Variants in CAB39 observed in about 807,000 individuals in gnomAD.
CAB39 encodes calcium binding protein 39, also known as calcium-binding protein 39.
A neutral mutation model predicts 40.0 loss-of-function variants in CAB39; 8 were observed. That is an observed-to-expected ratio of 0.20 (90% CI 0.12 to 0.36). The LOEUF is 0.36. Among genes scored for constraint, CAB39 ranks in the 10% least tolerant of loss-of-function variants. The pLI is 1.00. For missense variants in CAB39, 270 were observed against 401.1 expected, an observed-to-expected ratio of 0.67 and a Z score of 2.79; for synonymous variants, 156 against 141.6, an observed-to-expected ratio of 1.10 and a Z score of -0.72.
chr2:230,739,789 C>T (rs1233445682), intron 1 of CAB39, among the ~76,000 whole-genome samples: 2 of 152,350 alleles, frequency 1.3e-5, no homozygotes, highest in Non-Finnish European at 2.9e-5. Flanking sequence ...CCACCACCTC[C>T]AGCCTCTAAT....
chr2:230,775,855 G>A, intron 2 of CAB39, among the ~76,000 whole-genome samples: 1 of 152,100 alleles, frequency 6.6e-6, no homozygotes, highest in Non-Finnish European at 1.5e-5. Context: ...TCTTAAAAAA[G>A]TATATAATCC....
rs373490764 is a variant in CAB39, at chr2:230,791,046, C to A, written c.279+10C>A. 6 of 1,559,690 alleles carry A rather than the reference C, an allele frequency of 3.8e-6. No individual in the cohort carries two copies. Among genetic ancestry groups the A allele is most frequent in the African/African-American group, 2.8e-5 (2 of 72,054 alleles). The stretch of plus-strand genomic sequence containing the variant: ...GCTCATTGACTTTGAGGTAAGAAAT[C>A]AATTTCTTATTTTTAAAAAACAGTA... On this transcript the variant is annotated intron_variant, in intron 3 of 8. Transcript: ENST00000258418.
At chr2:230,726,799 G>A (rs939967455) in intron 1 of CAB39, among the ~76,000 whole-genome samples, 10 of 151,756 alleles carry the variant, frequency 6.6e-5, no homozygotes, top group African/African-American at 2.4e-4. Flanking sequence ...TGGAAAGAGG[G>A]CAACCCTTCC....
At chr2:230,742,902 A>G (rs1039431221) in intron 1 of CAB39, among the ~76,000 whole-genome samples, 2 of 152,040 alleles carry the variant, frequency 1.3e-5, no homozygotes, top group African/African-American at 4.8e-5. Context: ...AATTGGCCTA[A>G]GTTTTTGGTA....
intron 1 of CAB39, among the ~76,000 whole-genome samples, chr2:230,748,301 G>A (rs924242134): frequency 5.3e-5 from 8 of 152,192 alleles, no homozygotes; most frequent in South Asian, 2.1e-4. Flanking sequence ...GTAGTTGGGT[G>A]GGGTGGGCAA....
chr2:230,760,552 G>C (rs936191748), intron 2 of CAB39, among the ~76,000 whole-genome samples: 1 of 152,146 alleles, frequency 6.6e-6, no homozygotes, highest in African/African-American at 2.4e-5. Flanking sequence ...AAGAACAAAA[G>C]GAAGTAAAGT....
chr2:230,789,338 T>C (rs1695852292), intron 2 of CAB39, among the ~76,000 whole-genome samples: 1 of 152,258 alleles, frequency 6.6e-6, no homozygotes, highest in African/African-American at 2.4e-5. Flanking sequence ...AATGTCCTTG[T>C]TGAGTAATTC....
intron 2 of CAB39, among the ~76,000 whole-genome samples, chr2:230,785,538 TC>T: frequency 6.6e-6 from 1 of 150,706 alleles, no homozygotes. Flanking sequence ...CAGGGTGAGT[TC>T]CTAAGAACGC....
chr2:230,795,157 T>C (rs1202318478), intron 4 of CAB39, among the ~76,000 whole-genome samples: 1 of 151,766 alleles, frequency 6.6e-6, no homozygotes, highest in Non-Finnish European at 1.5e-5. Context: ...ACACCTGTAA[T>C]CCCAGCTATT....
rs1559622421 is a variant in CAB39, at chr2:230,819,992, G to A, written c.*1288G>A. On this transcript the variant is annotated 3_prime_UTR_variant, in exon 9 of 9. Coordinates refer to ENST00000258418, the MANE Select transcript of CAB39 (RefSeq NM_016289.4). ...ACTTCCTAGTCATAGGTGTCCTATG[G>A]GGAAATTTATTTTTTTTAATGTCCT... is the stretch of plus-strand genomic sequence containing the variant. 1 of 152,516 alleles carries A rather than the reference G, an allele frequency of 6.6e-6. No homozygotes were observed. 9.4% of individuals were successfully genotyped at this position (152,516 alleles called of 1,614,324 possible).
At chr2:230,769,199 A>T (rs1695441068) in intron 2 of CAB39, among the ~76,000 whole-genome samples, 1 of 152,376 alleles carries the variant, frequency 6.6e-6, no homozygotes, top group South Asian at 2.1e-4. Context: ...AAATGTTCCA[A>T]CAGATATAAT....
intron 1 of CAB39, among the ~76,000 whole-genome samples, chr2:230,737,536 G>A (rs1694808202): frequency 6.6e-6 from 1 of 152,174 alleles, no homozygotes; most frequent in South Asian, 2.1e-4. Flanking sequence ...AGGCCTGCAC[G>A]AAAATGATCA....
At chr2:230,782,821 T>C (rs112926772) in intron 2 of CAB39, among the ~76,000 whole-genome samples, 3 of 104,136 alleles carry the variant, frequency 2.9e-5, no homozygotes, top group East Asian at 3.1e-4. Context: ...TTCTTTTTTT[T>C]TTTTTTTTTT....
chr2:230,719,058 A>G (rs1408996893), intron 1 of CAB39, among the ~76,000 whole-genome samples: 1 of 152,246 alleles, frequency 6.6e-6, no homozygotes, highest in Non-Finnish European at 1.5e-5. Context: ...AAGGTTTAAT[A>G]TACTAATATT....
intron 1 of CAB39, among the ~76,000 whole-genome samples, chr2:230,734,738 A>G (rs1364548061): frequency 2.0e-5 from 3 of 152,152 alleles, no homozygotes; most frequent in Non-Finnish European, 2.9e-5. Flanking sequence ...GCTTTTGGCC[A>G]CAGGTATCAT....
rs1189093759 is a variant in CAB39, at chr2:230,713,081, C to T, written c.-193C>T. 1 of 151,540 alleles carries T rather than the reference C, an allele frequency of 6.6e-6. No individual in the cohort carries two copies. Among genetic ancestry groups the T allele is most frequent in the Non-Finnish European group, 1.5e-5 (1 of 67,884 alleles). 9.4% of individuals were successfully genotyped at this position (151,540 alleles called of 1,614,324 possible). On this transcript the variant is annotated 5_prime_UTR_variant, in exon 1 of 9. Coordinates refer to ENST00000258418, the MANE Select transcript of CAB39 (RefSeq NM_016289.4). ...AGCCGCCGCCGCCGCGGGAGCCCGTCGCCGGGAGCAGGAGCGGGCGGAAGA... is the reference window on the plus strand; with the variant it reads ...AGCCGCCGCCGCCGCGGGAGCCCGTTGCCGGGAGCAGGAGCGGGCGGAAGA...
chr2:230,764,988 C>CTT (rs1263098611), intron 2 of CAB39, among the ~76,000 whole-genome samples: 3 of 151,180 alleles, frequency 2.0e-5, no homozygotes, highest in African/African-American at 7.3e-5. Flanking sequence ...TAAGTTGGAC[C>CTT]TTTTTTTTTC....
At chr2:230,790,742 A>G (rs2124956765) in intron 2 of CAB39, 130 bp from the exon 3 acceptor site, 2 of 749,942 alleles carry the variant, frequency 2.7e-6, no homozygotes, top group South Asian at 1.8e-5. Flanking sequence ...GAGCTTGCCC[A>G]CTTTGCTTCT....
chr2:230,773,314 A>ATGTGTGTGTGTGTGTGTGTGTGTG (rs71052549), intron 2 of CAB39, among the ~76,000 whole-genome samples: 4 of 132,682 alleles, frequency 3.0e-5, no homozygotes, highest in African/African-American at 1.2e-4. Flanking sequence ...ATATATATAT[A>ATGTGTGTGTGTGTGTGTGTGTGTG]TGTGTGTGTG....
Sources: gnomAD v4.1 joint callset for allele counts (sites outside exome capture counted in the v4.1 genomes callset) on GRCh38, gnomAD v4.1.1 for gene constraint, MANE v1.5 for transcripts, NCBI Gene and HGNC (gene_info 2026-07-23, HGNC 2026-07-21) for gene names.